Variants in PPP1R14C observed in about 807,000 individuals in gnomAD.
The protein encoded by PPP1R14C is protein phosphatase 1 regulatory inhibitor subunit 14C.
PPP1R14C carries 16 observed loss-of-function variants against 20.4 expected under a neutral mutation model. The ratio of observed to expected loss-of-function variants is 0.78; its 90% CI spans 0.53 to 1.19. The LOEUF (loss-of-function observed/expected upper bound fraction) is 1.19. Among genes scored for constraint, PPP1R14C ranks in the 50% most tolerant of loss-of-function variants. The probability of loss-of-function intolerance (pLI) is 0.00; values close to 1 mark genes in which losing one functional copy is unlikely to be tolerated. For synonymous variants in PPP1R14C, 91 were observed against 91.0 expected (o/e 1.00, Z 0.00); for missense variants, 211 against 220.1 (o/e 0.96, Z 0.26).
Position 150,214,791 on chromosome 6 carries a change from T to G in PPP1R14C, c.354T>G (p.Asp118Glu). The G allele has an allele frequency of 3.7e-6, 6 of 1,613,048 alleles. No individual in the cohort carries two copies. The highest frequency in any genetic ancestry group is 5.1e-6 in the Non-Finnish European group (6 of 1,179,582). The change falls in exon 2 of 4, where the codon GAT becomes GAG. Residue 118 changes from aspartate to glutamate, a missense_variant. By Grantham distance (45) the Asp-to-Glu change is conservative. Coordinates refer to ENST00000361131, the MANE Select transcript of PPP1R14C (RefSeq NM_030949.3). ...EVEIDIDDLLDADSDEERASK... is the reference protein window; with the variant it reads ...EVEIDIDDLLEADSDEERASK... ...AAATTGACATTGATGATCTTCTTGA[T>G]GCAGACAGTGATGAAGAGAGAGCTT...
chr6:150,195,851 C>T, intron 1 of PPP1R14C: 1 of 985,348 alleles, frequency 1.0e-6, no homozygotes, highest in South Asian at 4.7e-5. Context: ...GACCACAGAG[C>T]TATGGGAGGC....
At chr6:150,236,225 G>A (rs1463743182) in intron 3 of PPP1R14C, among the ~76,000 whole-genome samples, 1 of 152,034 alleles carries the variant, frequency 6.6e-6, no homozygotes, top group African/African-American at 2.4e-5. Context: ...GATCAAATGA[G>A]ACAGTATGTG....
rs115223295 is a variant in PPP1R14C at position 150,208,284 on chromosome 6, C to T, written c.307-6460C>T. ...TTTCTGGAATATTTGCTGTTGGCTT[C>T]CATGCTCTGTTGCTATAGGGAAACC... On this transcript the variant is annotated intron_variant, in intron 1 of 3. Transcript: ENST00000361131. Among the ~76,000 whole-genome samples, 1,039 of 152,204 alleles carry T rather than the reference C, an allele frequency of 6.8e-3. 10 individuals carry two copies. Among genetic ancestry groups the T allele is most frequent in the African/African-American group, 0.023 (970 of 41,512 alleles).
At position 150,148,616 on chromosome 6, in the gene PPP1R14C, C is replaced by T. The variant is rs537623122; in HGVS notation, c.306+5118C>T. ...TCAGCCGGCTTTGCTACTTTATTAG[C>T]GCTCAAGCTGGAAGGTAGAAACTGC... On this transcript the variant is annotated intron_variant, in intron 1 of 3. Transcript: ENST00000361131. 9.9e-4 allele frequency among the ~76,000 whole-genome samples: 150 copies of T among 152,274 alleles called. 1 individual carries two copies. Among genetic ancestry groups the T allele is most frequent in the African/African-American group, 3.4e-3 (143 of 41,542 alleles).
At chr6:150,203,379 A>G (rs1355620907) in intron 1 of PPP1R14C, among the ~76,000 whole-genome samples, 1 of 152,140 alleles carries the variant, frequency 6.6e-6, no homozygotes, top group African/African-American at 2.4e-5. Flanking sequence ...GTGTCTTTTC[A>G]TGCTTGATGG....
intron 1 of PPP1R14C, among the ~76,000 whole-genome samples, chr6:150,204,534 G>A (rs760829540): frequency 6.6e-6 from 1 of 152,158 alleles, no homozygotes; most frequent in Non-Finnish European, 1.5e-5. Flanking sequence ...AATCGGATGT[G>A]CCCAGTCAAC....
intron 2 of PPP1R14C, among the ~76,000 whole-genome samples, chr6:150,215,327 C>T (rs974349081): frequency 8.5e-5 from 13 of 152,306 alleles, no homozygotes; most frequent in African/African-American, 2.4e-4. Context: ...TCCAGTACAA[C>T]GATGGATATT....
chr6:150,229,806 G>A (rs1778272658), intron 3 of PPP1R14C, among the ~76,000 whole-genome samples: 1 of 152,112 alleles, frequency 6.6e-6, no homozygotes, highest in Non-Finnish European at 1.5e-5. Flanking sequence ...TTCAGATAAT[G>A]AAAAATAGGA....
chr6:150,156,835 G>A (rs1777311213), intron 1 of PPP1R14C, among the ~76,000 whole-genome samples: 1 of 152,192 alleles, frequency 6.6e-6, no homozygotes, highest in Non-Finnish European at 1.5e-5. Flanking sequence ...CTTCATGCGA[G>A]ATGGTTCAGC....
In PPP1R14C at chr6:150,216,846, A is replaced by G. The variant is rs1475550387; in HGVS notation, c.413A>G (p.Lys138Arg). The change falls in exon 3 of 4, where the codon AAA becomes AGA. Residue 138 changes from lysine (K) to arginine (R), a missense_variant. Physicochemically the swap from Lys to Arg is conservative, Grantham distance 26. Transcript: ENST00000361131. The stretch of plus-strand genomic sequence containing the variant: ...TAGGAAGCTCTTGTAGACTGCTACA[A>G]ACCAACAGAGGTAAGCAAATCACTT... ...KLQEALVDCY[K>R]PTEEFIKELL... The G allele has an allele frequency of 1.2e-6, 2 of 1,604,388 alleles. No homozygotes were observed. The highest frequency in any genetic ancestry group is 1.7e-6 in the Non-Finnish European group (2 of 1,174,890).
chr6:150,191,175 C>T lies in PPP1R14C; in HGVS notation c.307-23569C>T, dbSNP rs1228306541. On this transcript the variant is annotated intron_variant, in intron 1 of 3. Coordinates refer to ENST00000361131, the MANE Select transcript of PPP1R14C (RefSeq NM_030949.3). ...CCCTCACCTTCAGGACCTTATCATA[C>T]GTCAGGCTCCCAGTGAACCTTCCAG... Among the ~76,000 whole-genome samples the T allele has an allele frequency of 3.9e-5, 6 of 152,164 alleles. No individual in the cohort carries two copies. In the East Asian group the frequency reaches 9.6e-4, roughly 24 times the overall value.
chr6:150,162,611 G>C (rs1777382725), intron 1 of PPP1R14C, among the ~76,000 whole-genome samples: 1 of 152,154 alleles, frequency 6.6e-6, no homozygotes, highest in African/African-American at 2.4e-5. Context: ...CATCTTGGTT[G>C]CTTCAGTTTT....
At chr6:150,247,972 G>A (rs538688779) in intron 3 of PPP1R14C, among the ~76,000 whole-genome samples, 6 of 152,274 alleles carry the variant, frequency 3.9e-5, no homozygotes, top group African/African-American at 1.4e-4. Flanking sequence ...TCACAGTTCT[G>A]GAGGCTGGGA....
intron 1 of PPP1R14C, among the ~76,000 whole-genome samples, chr6:150,145,349 T>G (rs745579380): frequency 1.3e-5 from 2 of 152,168 alleles, no homozygotes; most frequent in Non-Finnish European, 2.9e-5. Context: ...AAAGGGAGGT[T>G]TTTGTGGTGA....
chr6:150,215,945 G>A (rs1020060466), intron 2 of PPP1R14C, among the ~76,000 whole-genome samples: 1 of 152,194 alleles, frequency 6.6e-6, no homozygotes, highest in Non-Finnish European at 1.5e-5. Flanking sequence ...GGAAAGGTGT[G>A]TGCATGCGCG....
In PPP1R14C at chr6:150,195,386, T is replaced by C. The variant is rs151334947; in HGVS notation, c.307-19358T>C. On this transcript the variant is annotated intron_variant, in intron 1 of 3. Transcript: ENST00000361131. ...TGTTTTTGAGATAGAGTGTCGCTAT[T>C]GCCCAGGCTAGAAAGCAGTGGTGCT... is the stretch of plus-strand genomic sequence containing the variant. 1.6e-3 allele frequency among the ~76,000 whole-genome samples: 242 copies of C among 152,316 alleles called. 1 individual carries two copies. The East Asian group carries it at 0.021, about 13-fold the overall frequency.
chr6:150,211,151 G>A (rs1246795259), intron 1 of PPP1R14C, among the ~76,000 whole-genome samples: 1 of 152,170 alleles, frequency 6.6e-6, no homozygotes, highest in Non-Finnish European at 1.5e-5. Flanking sequence ...AGCGCTTCAG[G>A]TTTGTCTGTG....
At chr6:150,215,660 G>C (rs1232403907) in intron 2 of PPP1R14C, among the ~76,000 whole-genome samples, 2 of 152,108 alleles carry the variant, frequency 1.3e-5, no homozygotes, top group Non-Finnish European at 2.9e-5. Flanking sequence ...GATTTAGCTG[G>C]GAGACAATAG....
chr6:150,207,354 C>T (rs1488154736), intron 1 of PPP1R14C, among the ~76,000 whole-genome samples: 3 of 152,208 alleles, frequency 2.0e-5, no homozygotes, highest in African/African-American at 4.8e-5. Context: ...GCCATCCTAC[C>T]CCAGCCACTC....
Sources: gnomAD v4.1 joint callset for allele counts (sites outside exome capture counted in the v4.1 genomes callset) on GRCh38, gnomAD v4.1.1 for gene constraint, MANE v1.5 for transcripts, NCBI Gene and HGNC (gene_info 2026-07-23, HGNC 2026-07-21) for gene names.